Variants in OPHN1 observed in about 807,000 individuals in gnomAD.
OPHN1 encodes the protein oligophrenin-1.
Under a neutral mutation model 60.7 loss-of-function variants are expected in OPHN1, and 11 were observed. The observed-to-expected ratio is 0.18, with a 90% CI of 0.11 to 0.30. The LOEUF (loss-of-function observed/expected upper bound fraction) is 0.30, where lower values mean the gene tolerates loss of function less well. Ranked by LOEUF, OPHN1 falls within the 10% of genes least tolerant of loss-of-function variation. The probability of loss-of-function intolerance (pLI) is 1.00; values close to 1 mark genes in which losing one functional copy is unlikely to be tolerated. For missense variants in OPHN1, 449 were observed against 611.0 expected (o/e 0.73, Z 2.80); for synonymous variants, 226 against 222.6 (o/e 1.02, Z -0.14).
chrX:68,270,619 T>C lies in OPHN1; in HGVS notation c.384+4119A>G, dbSNP rs1336489396. 3.0e-5 allele frequency among the ~76,000 whole-genome samples: 3 copies of C among 101,227 alleles called. No individual in the cohort carries two copies. The Admixed American group carries it at 3.2e-4, about 11-fold the overall frequency. The allele number at this position is 101,227 out of a possible 115,157, so 87.9% of individuals were successfully genotyped here. On this transcript the variant is annotated intron_variant, in intron 5 of 24. Coordinates refer to ENST00000355520, the MANE Select transcript of OPHN1 (RefSeq NM_002547.3). ...TGGGGGGAGGGGGGAGGGATAGCATTAGGAGATATACCTAATGTAAATGAC... is the reference window on the plus strand; with the variant it reads ...TGGGGGGAGGGGGGAGGGATAGCATCAGGAGATATACCTAATGTAAATGAC...
At chrX:68,207,100 T>A (rs755355427) in intron 9 of OPHN1, among the ~76,000 whole-genome samples, 2 of 110,406 alleles carry the variant, frequency 1.8e-5, no homozygotes, top group South Asian at 7.8e-4. Context: ...ACCGAATTAG[T>A]TAAGAACCCT....
chrX:68,396,763 C>T (rs937038891), intron 2 of OPHN1, among the ~76,000 whole-genome samples: 18 of 110,763 alleles, frequency 1.6e-4, no homozygotes, highest in African/African-American at 5.6e-4. Context: ...TCCAGTGAGC[C>T]GAGATCACGC....
At chrX:68,286,031 G>A (rs892758083) in intron 3 of OPHN1, among the ~76,000 whole-genome samples, 5 of 110,784 alleles carry the variant, frequency 4.5e-5, no homozygotes, top group African/African-American at 9.8e-5. Context: ...GGGCTTCCTC[G>A]GGGGCAGGTT....
chrX:68,327,846 G>A (rs1322972377), intron 2 of OPHN1, among the ~76,000 whole-genome samples: 3 of 96,264 alleles, frequency 3.1e-5, no homozygotes, highest in African/African-American at 4.2e-5. Context: ...TTTTTGAGAC[G>A]GAGTCTCGCT....
At chrX:68,071,283 AC>A in intron 20 of OPHN1, 2 of 743,521 alleles carry the variant, frequency 2.7e-6, no homozygotes, top group Non-Finnish European at 4.3e-6. Context: ...TGCCAAAAGC[AC>A]CATTGACATG....
intron 4 of OPHN1, among the ~76,000 whole-genome samples, chrX:68,278,697 C>T (rs772557042): frequency 8.9e-5 from 10 of 112,653 alleles, no homozygotes; most frequent in Admixed American, 2.8e-4. Flanking sequence ...GCTAGCCTGG[C>T]CAACATGGCA....
At chrX:68,063,559 C>G (rs1387622837) in intron 21 of OPHN1, among the ~76,000 whole-genome samples, 1 of 110,920 alleles carries the variant, frequency 9.0e-6, no homozygotes, top group Non-Finnish European at 1.9e-5. Context: ...ATAATACATT[C>G]TTTACAGTGG....
intron 2 of OPHN1, among the ~76,000 whole-genome samples, chrX:68,378,754 G>T (rs977021440): frequency 6.3e-5 from 7 of 110,964 alleles, no homozygotes; most frequent in Non-Finnish European, 1.3e-4. Context: ...GATATGTGGC[G>T]TTATTTCTGA....
intron 5 of OPHN1, among the ~76,000 whole-genome samples, chrX:68,259,160 A>G (rs1443301426): frequency 8.9e-6 from 1 of 112,002 alleles, no homozygotes; most frequent in Non-Finnish European, 1.9e-5. Context: ...TGACTCATCC[A>G]TCAATAAGAG....
At position 68,330,719 on chromosome X, in the gene OPHN1, G is replaced by C. The variant is rs766369098; in HGVS notation, c.155-31623C>G. On this transcript the variant is annotated intron_variant, in intron 2 of 24. Coordinates refer to ENST00000355520, the MANE Select transcript of OPHN1 (RefSeq NM_002547.3). ...AAAATTCGAAAAAGAACAATGCTAA[G>C]TGGAAAAAAAAACAAGTTGAAGTAC... Among the ~76,000 whole-genome samples the C allele has an allele frequency of 2.8e-5, 3 of 107,885 alleles. No homozygotes were observed. The South Asian group carries it at 1.2e-3, about 42-fold the overall frequency. The allele number at this position is 107,885 out of a possible 115,157, so 93.7% of individuals were successfully genotyped here. A position where few individuals can be genotyped will look rare whatever the true frequency, so the allele number is the denominator to read the frequency against.
chrX:68,254,101 T>A (rs1288470109), intron 5 of OPHN1, among the ~76,000 whole-genome samples: 1 of 111,708 alleles, frequency 9.0e-6, no homozygotes, highest in Non-Finnish European at 1.9e-5. Flanking sequence ...GCCTCTCAGC[T>A]TTCTTAGACT....
chrX:68,268,842 G>T (rs142723703), intron 5 of OPHN1, among the ~76,000 whole-genome samples: 3 of 111,576 alleles, frequency 2.7e-5, no homozygotes, highest in Non-Finnish European at 3.8e-5. Context: ...CTAAAAAACC[G>T]CACTGTCTTA....
intron 18 of OPHN1, among the ~76,000 whole-genome samples, chrX:68,098,670 C>T (rs963903634): frequency 3.6e-5 from 4 of 111,598 alleles, no homozygotes; most frequent in African/African-American, 1.3e-4. Flanking sequence ...AGTTTCAATA[C>T]CCCTGCAATT....
chrX:68,124,730 C>T (rs926677389), intron 15 of OPHN1, among the ~76,000 whole-genome samples: 10 of 110,861 alleles, frequency 9.0e-5, no homozygotes, highest in African/African-American at 3.3e-4. Context: ...ACTGCAGTCT[C>T]AGCCTCATAG....
intron 15 of OPHN1, among the ~76,000 whole-genome samples, chrX:68,141,222 T>A (rs747028665): frequency 1.8e-5 from 2 of 112,128 alleles, no homozygotes; most frequent in South Asian, 3.8e-4. Flanking sequence ...AGAGAAGGAC[T>A]ACATGCAAAC....
chrX:68,341,764 G>A (rs1036087348), intron 2 of OPHN1, among the ~76,000 whole-genome samples: 7 of 109,945 alleles, frequency 6.4e-5, no homozygotes, highest in African/African-American at 2.0e-4. Context: ...CTTGAGCCTG[G>A]AGGTCACTGC....
At chrX:68,186,200 C>T (rs1456613073) in intron 15 of OPHN1, among the ~76,000 whole-genome samples, 1 of 111,508 alleles carries the variant, frequency 9.0e-6, no homozygotes, top group Non-Finnish European at 1.9e-5. Context: ...CCCCATTCTT[C>T]ACTGTTACAT....
chrX:68,340,563 T>G (rs965243280), intron 2 of OPHN1, among the ~76,000 whole-genome samples: 1 of 112,119 alleles, frequency 8.9e-6, no homozygotes, highest in African/African-American at 3.2e-5. Context: ...CCGAAATGGT[T>G]GACAGACCTA....
At chrX:68,103,714 T>C (rs183067530) in intron 18 of OPHN1, among the ~76,000 whole-genome samples, 173 of 101,423 alleles carry the variant, frequency 1.7e-3, no homozygotes, top group African/African-American at 6.1e-3. Flanking sequence ...CAGCCAATAT[T>C]ATATTGAATG....
Sources: allele counts gnomAD v4.1 joint callset (sites outside exome capture counted in the v4.1 genomes callset), GRCh38; gene constraint gnomAD v4.1.1; transcripts MANE v1.5; gene names NCBI Gene and HGNC (gene_info 2026-07-23, HGNC 2026-07-21).